ZNF347: variants seen among roughly 807,000 people sequenced by gnomAD.
ZNF347 encodes zinc finger protein 347.
Under a neutral mutation model 12.9 loss-of-function variants are expected in ZNF347, and 19 were observed. That is an observed-to-expected ratio of 1.47 (90% CI 1.03 to 2.16). The LOEUF is 2.16. Among genes scored for constraint, ZNF347 ranks in the 30% most tolerant of loss-of-function variants. The probability of loss-of-function intolerance (pLI) is 0.00; values close to 1 mark genes in which losing one functional copy is unlikely to be tolerated. For missense variants in ZNF347, 1,005 were observed against 990.6 expected (o/e 1.01, Z -0.19); for synonymous variants, 328 against 340.6 (o/e 0.96, Z 0.41).
chr19:53,146,043 C>T lies in ZNF347; in HGVS notation c.271+2638G>A, dbSNP rs146220309. Among the ~76,000 whole-genome samples the T allele has an allele frequency of 1.9e-3, 285 of 151,568 alleles. 1 individual carries two copies. The highest frequency in any genetic ancestry group is 3.8e-3 in the Admixed American group (58 of 15,200). Reference sequence around the variant, plus strand: ...TGGGCTGGAATGCAGTGGCATGATACCAGCTCACCATAACCTCTGCCTCCC... The same window carrying T: ...TGGGCTGGAATGCAGTGGCATGATATCAGCTCACCATAACCTCTGCCTCCC... On this transcript the variant is annotated intron_variant, in intron 4 of 4. Transcript: ENST00000334197.
chr19:53,150,254 T>A, intron 2 of ZNF347, among the ~76,000 whole-genome samples: 1 of 152,166 alleles, frequency 6.6e-6, no homozygotes, highest in East Asian at 1.9e-4. Flanking sequence ...TGGTGTCCAG[T>A]GCAGAATTGC....
In ZNF347 at chr19:53,141,523, G is replaced by C. The variant is rs1266782975; in HGVS notation, c.1305C>G (p.Gly435=). The part of the protein sequence containing the change: ...GEKPYKCNEC[G]KAFGVRSSLA... ...GGCTTGAACGAACACCAAAGGCTTT[G>C]CCGCACTCATTACACTTGTAAGGTT... Residue 435 remains glycine (G), a synonymous_variant, in exon 5 of 5, where the codon GGC becomes GGG. Transcript: ENST00000334197. The C allele has an allele frequency of 6.2e-7, 1 of 1,613,926 alleles. No homozygotes were observed. The highest frequency in any genetic ancestry group is 1.1e-5 in the South Asian group (1 of 91,084).
In ZNF347 at chr19:53,137,199, A is replaced by G. The variant is rs1012231095; in HGVS notation, c.*3109T>C. ...GTAATTTCTGGCCATGCCTGGCCAG[A>G]AATCAGAAGTTGCAAGAGTAAATAT... is the stretch of plus-strand genomic sequence containing the variant. On this transcript the variant is annotated 3_prime_UTR_variant, in exon 5 of 5. Coordinates refer to ENST00000334197, the MANE Select transcript of ZNF347 (RefSeq NM_032584.3). The G allele has an allele frequency of 6.6e-6, 1 of 152,000 alleles. No homozygotes were observed. Among genetic ancestry groups the G allele is most frequent in the Non-Finnish European group, 1.5e-5 (1 of 67,918 alleles). 9.4% of individuals were successfully genotyped at this position (152,000 alleles called of 1,614,324 possible).
chr19:53,155,215 G>A lies in ZNF347; in HGVS notation c.-46-1422C>T, dbSNP rs111361025. Among the ~76,000 whole-genome samples, 1,266 of 151,938 alleles carry A rather than the reference G, an allele frequency of 8.3e-3. 16 individuals are homozygous for A. The highest frequency in any genetic ancestry group is 0.026 in the African/African-American group (1,086 of 41,436). On this transcript the variant is annotated intron_variant, in intron 1 of 4. Transcript: ENST00000334197. ...GGCCTCTCAAAGTGCTGGGATTACA[G>A]CCGTCAGCCACCGTGCCTGGCCAAT...
Position 53,142,140 on chromosome 19 carries a change from CATT to C in ZNF347, c.685_687del (p.Asn229del). 6.2e-7 allele frequency: 1 copy of C among 1,613,862 alleles called. No homozygotes were observed. The highest frequency in any genetic ancestry group is 8.5e-7 in the Non-Finnish European group (1 of 1,179,958). On this transcript the variant is annotated inframe_deletion, in exon 5 of 5. Transcript: ENST00000334197. ...TATTTCTTAGAAATGTGGGTTTTGA[CATT>C]ATAAGGCATTTGTTGAGGTGGTGAA...
intron 2 of ZNF347, among the ~76,000 whole-genome samples, chr19:53,152,683 C>A (rs901545641): frequency 3.9e-5 from 6 of 152,086 alleles, no homozygotes; most frequent in African/African-American, 7.2e-5. Flanking sequence ...GTAATCCCAG[C>A]ACTTTGGGAG....
Position 53,140,624 on chromosome 19 carries a change from T to G in ZNF347, c.2204A>C (p.Lys735Thr). The G allele has an allele frequency of 6.2e-7, 1 of 1,613,674 alleles. No individual in the cohort carries two copies. The highest frequency in any genetic ancestry group is 8.5e-7 in the Non-Finnish European group (1 of 1,179,926). The change falls in exon 5 of 5, where the codon AAA (lysine) becomes ACA (threonine). Residue 735 changes from lysine (K) to threonine (T), a missense_variant. Transcript: ENST00000334197. ...CCCACACTCATTGCATTTGTAAGGT[T>G]TTTTTCCAGTATGGATTGCCTGATG... Reference protein sequence around the residue: ...TTHQAIHTGKKPYKCNECGKV... With the variant: ...TTHQAIHTGKTPYKCNECGKV...
chr19:53,142,099 G>A lies in ZNF347; in HGVS notation c.729C>T (p.Ile243=). 9 of 1,612,774 alleles carry A rather than the reference G, an allele frequency of 5.6e-6. No homozygotes were observed. Among genetic ancestry groups the A allele is most frequent in the Non-Finnish European group, 7.6e-6 (9 of 1,179,674 alleles). Residue 243 remains isoleucine, a synonymous_variant, in exon 5 of 5, where the codon ATC becomes ATT. Coordinates refer to ENST00000334197, the MANE Select transcript of ZNF347 (RefSeq NM_032584.3). Reference sequence around the variant, plus strand: ...GCCCCTGTGTGAGTAATAAAGAAGAGATAAAATCTTTGAGATATTTCTTAG... The same window carrying A: ...GCCCCTGTGTGAGTAATAAAGAAGAAATAAAATCTTTGAGATATTTCTTAG... ...HISKKYLKDF[I]SSLLLTQGQK... is the part of the protein sequence containing the mutation.
intron 2 of ZNF347, among the ~76,000 whole-genome samples, chr19:53,150,746 T>C (rs1329024050): frequency 6.6e-6 from 1 of 152,210 alleles, no homozygotes; most frequent in Non-Finnish European, 1.5e-5. Context: ...ATTTACTTAC[T>C]TACTTATTTT....
chr19:53,151,534 T>TAAAAAAAAA (rs34905550), intron 2 of ZNF347, among the ~76,000 whole-genome samples: 2 of 80,366 alleles, frequency 2.5e-5, no homozygotes, highest in Non-Finnish European at 4.9e-5. Context: ...CAAGACTGTC[T>TAAAAAAAAA]AAAAAAAAAA....
At position 53,148,699 on chromosome 19, in the gene ZNF347, T is replaced by C. The variant is rs764480630; in HGVS notation, c.253A>G (p.Ile85Val). 6.2e-7 allele frequency: 1 copy of C among 1,613,934 alleles called. No individual in the cohort carries two copies. Among genetic ancestry groups the C allele is most frequent in the Non-Finnish European group, 8.5e-7 (1 of 1,179,890 alleles). Residue 85 changes from isoleucine to valine, a missense_variant, in exon 4 of 5, where the codon ATC (isoleucine) becomes GTC (valine). Transcript: ENST00000334197. Reference sequence around the variant, plus strand: ...CTCTTACCTGTGATCACAGCTTTGATCCATTCCCATCCATCTGGGTTTCCT... The same window carrying C: ...CTCTTACCTGTGATCACAGCTTTGACCCATTCCCATCCATCTGGGTTTCCT... ...IAGNPDGWEWIKAVITALSSE... is the reference protein window; with the variant it reads ...IAGNPDGWEWVKAVITALSSE...
chr19:53,158,281 G>C (rs1441640895), intron 1 of ZNF347, among the ~76,000 whole-genome samples: 5 of 152,144 alleles, frequency 3.3e-5, no homozygotes, highest in Non-Finnish European at 7.3e-5. Flanking sequence ...GCGGGGCGAC[G>C]GCGCCTTAGA....
chr19:53,148,730 T>C lies in ZNF347; in HGVS notation c.222A>G (p.Gln74=). Residue 74 remains glutamine (Q), a synonymous_variant, in exon 4 of 5, where the codon CAA becomes CAG. Coordinates refer to ENST00000334197, the MANE Select transcript of ZNF347 (RefSeq NM_032584.3). The stretch of plus-strand genomic sequence containing the variant: ...CCCATCCATCTGGGTTTCCTGCTAT[T>C]TGTACTTGGCTCTCCAAAGTGAAAG... ...KEPFTLESQV[Q]IAGNPDGWEW... 1 of 1,614,078 alleles carries C rather than the reference T, an allele frequency of 6.2e-7. No individual in the cohort carries two copies.
chr19:53,154,059 G>C (rs2090515907), intron 1 of ZNF347, among the ~76,000 whole-genome samples: 1 of 152,122 alleles, frequency 6.6e-6, no homozygotes, highest in East Asian at 1.9e-4. Context: ...CACACACGCT[G>C]CAGCAATTGG....
intron 4 of ZNF347, among the ~76,000 whole-genome samples, chr19:53,143,914 G>A (rs7250056): frequency 1.1e-4 from 16 of 152,084 alleles, no homozygotes; most frequent in African/African-American, 3.6e-4. Flanking sequence ...TTTAATGATC[G>A]CCATTCTAAC....
At chr19:53,142,647 A>T in intron 4 of ZNF347, 91 bp from the exon 5 acceptor site, 2 of 999,592 alleles carry the variant, frequency 2.0e-6, no homozygotes, top group Non-Finnish European at 2.8e-6. Context: ...CCGAAAAACA[A>T]TATTAAACCA....
Position 53,142,416 on chromosome 19 carries a change from T to C in ZNF347, c.412A>G (p.Thr138Ala), listed in dbSNP as rs1319131280. The C allele has an allele frequency of 1.2e-6, 2 of 1,614,144 alleles. No individual in the cohort carries two copies. Among genetic ancestry groups the C allele is most frequent in the Non-Finnish European group, 1.7e-6 (2 of 1,180,004 alleles). ...GCSFREVQKN[T>A]HGLEYQCRDA... The stretch of plus-strand genomic sequence containing the variant: ...CTGCATTGATACTCAAGGCCATGTG[T>C]ATTTTTCTGGACTTCCCTGAAGGAA... Residue 138 changes from threonine (T) to alanine (A), a missense_variant, in exon 5 of 5, where the codon ACA (threonine) becomes GCA (alanine). By Grantham distance (58) the Thr-to-Ala change is moderately conservative. Transcript: ENST00000334197.
rs1320248211 is a variant in ZNF347 at position 53,140,596 on chromosome 19, C to T, written c.2232G>A (p.Lys744=). The change falls in exon 5 of 5, where the codon AAG becomes AAA. Residue 744 remains lysine, a synonymous_variant. Coordinates refer to ENST00000334197, the MANE Select transcript of ZNF347 (RefSeq NM_032584.3). ...CAAGGTGTGAATTCTGAGTGAAGAC[C>T]TTCCCACACTCATTGCATTTGTAAG... ...KKPYKCNECG[K]VFTQNSHLAR... 2 of 1,613,044 alleles carry T rather than the reference C, an allele frequency of 1.2e-6. No homozygotes were observed. The highest frequency in any genetic ancestry group is 1.3e-5 in the African/African-American group (1 of 74,572).
chr19:53,141,625 G>A lies in ZNF347; in HGVS notation c.1203C>T (p.Tyr401=). ...AGACCTTGCCACATTCATTACATTTGTAAGGTTTTTCTCCACTGTGGGTTG... is the reference window on the plus strand; with the variant it reads ...AGACCTTGCCACATTCATTACATTTATAAGGTTTTTCTCCACTGTGGGTTG... The part of the protein sequence containing the change: ...HQATHSGEKP[Y]KCNECGKVFT... The change falls in exon 5 of 5, where the codon TAC becomes TAT. Residue 401 remains tyrosine, a synonymous_variant. Transcript: ENST00000334197. 3 of 1,613,816 alleles carry A rather than the reference G, an allele frequency of 1.9e-6. No homozygotes were observed. The South Asian group carries it at 3.3e-5, about 18-fold the overall frequency.
Sources: gnomAD v4.1 joint callset for allele counts (sites outside exome capture counted in the v4.1 genomes callset) on GRCh38, gnomAD v4.1.1 for gene constraint, MANE v1.5 for transcripts, NCBI Gene and HGNC (gene_info 2026-07-23, HGNC 2026-07-21) for gene names.